JKAMP: variants seen among roughly 807,000 people sequenced by gnomAD.
JKAMP encodes JNK1/MAPK8 associated membrane protein.
JKAMP carries 20 observed loss-of-function variants against 40.2 expected under a neutral mutation model. The observed-to-expected ratio is 0.50, with a 90% CI of 0.35 to 0.72. JKAMP has a LOEUF of 0.72. Ranked by LOEUF, JKAMP falls within the 30% of genes least tolerant of loss-of-function variation. The pLI, the probability that JKAMP is intolerant of heterozygous loss-of-function variation, is 0.01. For synonymous variants in JKAMP, 138 were observed against 131.6 expected, an observed-to-expected ratio of 1.05 and a Z score of -0.33; for missense variants, 276 against 373.0, an observed-to-expected ratio of 0.74 and a Z score of 2.14.
In JKAMP at chr14:59,500,127, T is replaced by C. The variant is rs113125432; in HGVS notation, c.641-1064T>C. 2.2e-3 allele frequency among the ~76,000 whole-genome samples: 331 copies of C among 152,332 alleles called. 1 individual carries two copies. The highest frequency in any genetic ancestry group is 6.9e-3 in the African/African-American group (288 of 41,578). ...ATTAGCAACATTGTTTAGCTACTTATAAGTTAAGTAGAGTTTTTGTTTTGT... is the reference window on the plus strand; with the variant it reads ...ATTAGCAACATTGTTTAGCTACTTACAAGTTAAGTAGAGTTTTTGTTTTGT... On this transcript the variant is annotated intron_variant, in intron 5 of 6. Coordinates refer to ENST00000616435, the MANE Select transcript of JKAMP (RefSeq NM_016475.5).
At chr14:59,485,390 C>T (rs1457118616) in intron 1 of JKAMP, 5 of 342,058 alleles carry the variant, frequency 1.5e-5, no homozygotes, top group African/African-American at 2.1e-5. Context: ...AAAGCTAAGT[C>T]CGAAATTTGT....
At chr14:59,485,339 CA>C (rs879454522) in intron 1 of JKAMP, 155 of 406,448 alleles carry the variant, frequency 3.8e-4, no homozygotes, top group South Asian at 7.4e-4. Context: ...CAATTGGTTA[CA>C]AAAAAAATAA....
At chr14:59,491,672 C>G (rs1224713863) in intron 3 of JKAMP, among the ~76,000 whole-genome samples, 1 of 152,214 alleles carries the variant, frequency 6.6e-6, no homozygotes, top group Admixed American at 6.5e-5. Context: ...GAAAGATAAA[C>G]TATGTGAGAC....
At chr14:59,485,067 GGAAAT>G in intron 1 of JKAMP, 1 of 1,598,410 alleles carries the variant, frequency 6.3e-7, no homozygotes, top group South Asian at 1.1e-5. Flanking sequence ...GTTCGCTAAA[GGAAAT>G]GAAAGGAGAA....
At chr14:59,484,649 A>G (rs1341757707) in intron 1 of JKAMP, 56 bp downstream of exon 1, 24 of 1,559,708 alleles carry the variant, frequency 1.5e-5, no homozygotes, top group Non-Finnish European at 1.9e-5. Context: ...CTACTTTCCT[A>G]CACGGCTGGC....
intron 4 of JKAMP, among the ~76,000 whole-genome samples, chr14:59,496,281 C>T (rs1167854487): frequency 6.6e-6 from 1 of 150,680 alleles, no homozygotes; most frequent in Non-Finnish European, 1.5e-5. Context: ...ATATAAAATA[C>T]TATATAAAAC....
chr14:59,487,097 G>A lies in JKAMP; in HGVS notation c.96+293G>A, dbSNP rs1045836162. The A allele has an allele frequency of 3.5e-5, 7 of 199,800 alleles. No individual in the cohort carries two copies. The East Asian group carries it at 9.3e-4, about 27-fold the overall frequency. The allele number at this position is 199,800 out of a possible 1,614,324, so 12.4% of individuals were successfully genotyped here. On this transcript the variant is annotated intron_variant, in intron 2 of 6. Transcript: ENST00000616435. ...GTGCGCCTGTAGTCCCAGCTACTCG[G>A]GAGGCTGAGACAGGAGAATTGCTTG...
At chr14:59,494,364 A>T (rs920108106) in intron 3 of JKAMP, among the ~76,000 whole-genome samples, 4 of 152,250 alleles carry the variant, frequency 2.6e-5, no homozygotes, top group Non-Finnish European at 5.9e-5. Context: ...TGGAATCCTA[A>T]CACAATAGCG....
intron 4 of JKAMP, among the ~76,000 whole-genome samples, chr14:59,495,619 A>G (rs564738293): frequency 3.9e-5 from 6 of 152,220 alleles, no homozygotes; most frequent in Non-Finnish European, 7.3e-5. Context: ...GTATGCAATT[A>G]TGCCAGACTA....
At chr14:59,496,752 C>A (rs1369634839) in intron 4 of JKAMP, among the ~76,000 whole-genome samples, 1 of 152,154 alleles carries the variant, frequency 6.6e-6, no homozygotes, top group African/African-American at 2.4e-5. Flanking sequence ...TTCACTATCC[C>A]TGAATCAAGA....
In JKAMP at chr14:59,484,565, C is replaced by A; in HGVS notation, c.-25C>A. On this transcript the variant is annotated 5_prime_UTR_variant, in exon 1 of 7. Transcript: ENST00000616435. The stretch of plus-strand genomic sequence containing the variant: ...TGCCAGATCCGCTGATCTAGTGCTT[C>A]TCGAAAAAAACCTTCAGGCGGCCCA... 6.4e-7 allele frequency: 1 copy of A among 1,571,650 alleles called. No homozygotes were observed. Among genetic ancestry groups the A allele is most frequent in the Non-Finnish European group, 8.6e-7 (1 of 1,158,652 alleles).
chr14:59,488,166 CTAA>C (rs1890723078), intron 3 of JKAMP, among the ~76,000 whole-genome samples: 1 of 151,612 alleles, frequency 6.6e-6, no homozygotes, highest in Non-Finnish European at 1.5e-5. Context: ...TAATTTAATA[CTAA>C]TAATCTAGTA....
intron 4 of JKAMP, 36 bp from the exon 5 acceptor site, chr14:59,498,691 T>C (rs550094031): frequency 1.5e-5 from 17 of 1,146,344 alleles, no homozygotes; most frequent in Non-Finnish European, 2.1e-5. Context: ...TTTTAAAACA[T>C]TTTTGATGTT....
intron 3 of JKAMP, among the ~76,000 whole-genome samples, chr14:59,492,285 TGAAGATA>T (rs750337533): frequency 2.3e-4 from 35 of 152,074 alleles, no homozygotes; most frequent in Non-Finnish European, 4.4e-4. Context: ...ATTAAACAGT[TGAAGATA>T]GAATTAGTGA....
At chr14:59,502,755 T>TGTTGTTTTTTTTTTGTTTTTG (rs67189643) in intron 6 of JKAMP, among the ~76,000 whole-genome samples, 1 of 122,918 alleles carries the variant, frequency 8.1e-6, no homozygotes, top group Non-Finnish European at 1.6e-5. Flanking sequence ...ATGAGATTTT[T>TGTTGTTTTTTTTTTGTTTTTG]TTTTTTTTTT....
At position 59,484,804 on chromosome 14, in the gene JKAMP, G is replaced by T. The variant is rs1044906766; in HGVS notation, c.4+211G>T. ...GGCTACTAGGGGAGGCGCGCTGTCT[G>T]CGGCGAAATGCCAGGTCTTTGTTGT... is the stretch of plus-strand genomic sequence containing the variant. On this transcript the variant is annotated intron_variant, in intron 1 of 6. Transcript: ENST00000616435. 7.7e-6 allele frequency: 7 copies of T among 911,758 alleles called. No homozygotes were observed. In the African/African-American group the frequency reaches 8.4e-5, roughly 11 times the overall value. 56.5% of individuals were successfully genotyped at this position (911,758 alleles called of 1,614,324 possible).
At chr14:59,487,627 T>A in intron 2 of JKAMP, 47 bp from the exon 3 acceptor site, 1 of 1,461,132 alleles carries the variant, frequency 6.8e-7, no homozygotes, top group Non-Finnish European at 9.6e-7. Flanking sequence ...GGTGTTAATG[T>A]TGTAAAATAA....
At chr14:59,503,137 T>G (rs1298476947) in intron 6 of JKAMP, among the ~76,000 whole-genome samples, 1 of 152,088 alleles carries the variant, frequency 6.6e-6, no homozygotes, top group Non-Finnish European at 1.5e-5. Flanking sequence ...CCTGTGAATC[T>G]CCTATATAAA....
chr14:59,492,797 A>G (rs77499863), intron 3 of JKAMP, among the ~76,000 whole-genome samples: 3 of 132,004 alleles, frequency 2.3e-5, no homozygotes, highest in Admixed American at 7.8e-5. Context: ...GAGAGCTGCT[A>G]TTTTTTTTTT....
Sources: allele counts gnomAD v4.1 joint callset (sites outside exome capture counted in the v4.1 genomes callset), GRCh38; gene constraint gnomAD v4.1.1; transcripts MANE v1.5; gene names NCBI Gene and HGNC (gene_info 2026-07-23, HGNC 2026-07-21).